The following PGM5 variants were observed in gnomAD, a reference collection of about 807,000 sequenced individuals.
PGM5 encodes phosphoglucomutase 5.
A neutral mutation model predicts 59.2 loss-of-function variants in PGM5; 23 were observed. That is an observed-to-expected ratio of 0.39 (90% CI 0.28 to 0.55). The LOEUF is 0.55. Ranked by LOEUF, PGM5 falls within the 20% of genes least tolerant of loss-of-function variation. The probability of loss-of-function intolerance (pLI) is 0.66; values close to 1 mark genes in which losing one functional copy is unlikely to be tolerated. For missense variants in PGM5, 574 were observed against 748.3 expected, an observed-to-expected ratio of 0.77 and a Z score of 2.72; for synonymous variants, 214 against 286.0, an observed-to-expected ratio of 0.75 and a Z score of 2.54.
chr9:68,471,055 A>G (rs962326254), intron 7 of PGM5, among the ~76,000 whole-genome samples: 5 of 152,212 alleles, frequency 3.3e-5, no homozygotes, highest in African/African-American at 4.8e-5. Flanking sequence ...TGGAATCTCA[A>G]TGGTCCCAGT....
At position 68,438,251 on chromosome 9, in the gene PGM5, T is replaced by G. The variant is rs548618851; in HGVS notation, c.1044-26842T>G. On this transcript the variant is annotated intron_variant, in intron 6 of 10. Transcript: ENST00000396396. Reference sequence around the variant, plus strand: ...TTGCAGTGAGCCGAGATCGCACCACTGCACTCCAGCCTGGGCGACAGAGGG... The same window carrying G: ...TTGCAGTGAGCCGAGATCGCACCACGGCACTCCAGCCTGGGCGACAGAGGG... 4.7e-5 allele frequency among the ~76,000 whole-genome samples: 6 copies of G among 127,972 alleles called. No individual in the cohort carries two copies. The East Asian group carries it at 1.4e-3, about 30-fold the overall frequency. 84.0% of individuals were successfully genotyped at this position (127,972 alleles called of 152,430 possible).
chr9:68,463,378 C>T (rs1224510536), intron 6 of PGM5, among the ~76,000 whole-genome samples: 2 of 152,104 alleles, frequency 1.3e-5, no homozygotes, highest in African/African-American at 4.8e-5. Context: ...GTGTTTTTCT[C>T]TTTCAGTTGC....
Position 68,434,316 on chromosome 9 carries a change from CAAAAAAAAAAAAA to C in PGM5, c.1044-30766_1044-30754del, listed in dbSNP as rs71353054. ...TGGGCAACAGAGTGAGACTCCGTCT[CAAAAAAAAAAAAA>C]AAAAAAAAAAGAAAAAGAAAAAAAG... is the stretch of plus-strand genomic sequence containing the variant. On this transcript the variant is annotated intron_variant, in intron 6 of 10. Transcript: ENST00000396396. Among the ~76,000 whole-genome samples the C allele has an allele frequency of 1.7e-4, 15 of 90,832 alleles. No individual in the cohort carries two copies. In the Admixed American group the frequency reaches 1.8e-3, roughly 11 times the overall value. The allele number at this position is 90,832 out of a possible 152,430, so 59.6% of individuals were successfully genotyped here.
intron 6 of PGM5, chr9:68,406,625 C>T (rs1369873497): frequency 4.8e-5 from 6 of 125,858 alleles, no homozygotes. Flanking sequence ...ACATTCAAAC[C>T]ATAGCACAGG....
rs1361476221 is a variant in PGM5, at chr9:68,376,894, CTT to C, written c.262-1303_262-1302del. ...TTTCTCTTTCTTTCTTTTTTTCTTT[CTT>C]TCTCTCTCTTTCTTTCTTTCTTTTT... On this transcript the variant is annotated intron_variant, in intron 1 of 10. Transcript: ENST00000396396. Among the ~76,000 whole-genome samples the C allele has an allele frequency of 3.8e-4, 42 of 110,452 alleles. 4 individuals carry two copies. The highest frequency in any genetic ancestry group is 5.5e-4 in the South Asian group (2 of 3,660). 72.5% of individuals were successfully genotyped at this position (110,452 alleles called of 152,430 possible).
chr9:68,458,203 A>C (rs1271206073), intron 6 of PGM5, among the ~76,000 whole-genome samples: 4 of 152,080 alleles, frequency 2.6e-5, no homozygotes, highest in African/African-American at 9.7e-5. Flanking sequence ...TCTTTGGTCA[A>C]TTTCCTAAAG....
At chr9:68,488,069 A>G (rs1824325918) in intron 9 of PGM5, among the ~76,000 whole-genome samples, 1 of 152,198 alleles carries the variant, frequency 6.6e-6, no homozygotes, top group Non-Finnish European at 1.5e-5. Context: ...AAATAAAATT[A>G]TTTATGTTTT....
chr9:68,367,550 C>T (rs1834704004), intron 1 of PGM5, among the ~76,000 whole-genome samples: 1 of 152,292 alleles, frequency 6.6e-6, no homozygotes, highest in South Asian at 2.1e-4. Flanking sequence ...TGCATCCCTG[C>T]TGAATGTTTG....
intron 10 of PGM5, among the ~76,000 whole-genome samples, chr9:68,502,146 A>G (rs1206675013): frequency 6.6e-6 from 1 of 152,204 alleles, no homozygotes; most frequent in African/African-American, 2.4e-5. Context: ...TGAGATGGGC[A>G]GGTTCTTGCC....
At chr9:68,492,571 A>G (rs1356011878) in intron 9 of PGM5, among the ~76,000 whole-genome samples, 1 of 152,220 alleles carries the variant, frequency 6.6e-6, no homozygotes, top group African/African-American at 2.4e-5. Flanking sequence ...ACACTGCACA[A>G]TGGTACCCAG....
chr9:68,512,606 C>T (rs1824766973), intron 10 of PGM5, among the ~76,000 whole-genome samples: 1 of 152,080 alleles, frequency 6.6e-6, no homozygotes, highest in African/African-American at 2.4e-5. Flanking sequence ...TCTTGTGTGT[C>T]TCTGGGTCCA....
At chr9:68,436,370 G>A (rs782103125) in intron 6 of PGM5, among the ~76,000 whole-genome samples, 3 of 152,198 alleles carry the variant, frequency 2.0e-5, no homozygotes, top group Admixed American at 2.0e-4. Context: ...TTGGCGGAGG[G>A]AAGCTGGTAG....
intron 7 of PGM5, among the ~76,000 whole-genome samples, chr9:68,468,616 C>A (rs1413786980): frequency 6.6e-6 from 1 of 152,172 alleles, no homozygotes; most frequent in Non-Finnish European, 1.5e-5. Flanking sequence ...ATGCTCAACA[C>A]CACACCCTTC....
At chr9:68,474,997 TTTG>T (rs1384364712) in intron 7 of PGM5, among the ~76,000 whole-genome samples, 1 of 149,576 alleles carries the variant, frequency 6.7e-6, no homozygotes, top group Admixed American at 6.7e-5. Context: ...CATTGACAAC[TTTG>T]TTTACTTTAT....
At chr9:68,425,268 C>A (rs1243870633) in intron 6 of PGM5, among the ~76,000 whole-genome samples, 1 of 152,128 alleles carries the variant, frequency 6.6e-6, no homozygotes, top group African/African-American at 2.4e-5. Context: ...GATGACATGG[C>A]AGAAGCATCC....
At chr9:68,439,430 TATAA>T (rs1271695355) in intron 6 of PGM5, among the ~76,000 whole-genome samples, 8 of 146,258 alleles carry the variant, frequency 5.5e-5, no homozygotes, top group Non-Finnish European at 1.0e-4. Flanking sequence ...TAATATAATA[TATAA>T]ATATATATTA....
At chr9:68,395,722 A>G (rs1822482577) in intron 6 of PGM5, 3 of 152,000 alleles carry the variant, frequency 2.0e-5, no homozygotes. Context: ...TATGAATTTA[A>G]TTTTCCAATT....
intron 6 of PGM5, among the ~76,000 whole-genome samples, chr9:68,463,384 G>T (rs1240373545): frequency 6.6e-6 from 1 of 151,984 alleles, no homozygotes; most frequent in East Asian, 1.9e-4. Context: ...TTCTCTTTCA[G>T]TTGCTAGCTC....
At chr9:68,521,708 G>T (rs1024712370) in intron 10 of PGM5, among the ~76,000 whole-genome samples, 1 of 152,156 alleles carries the variant, frequency 6.6e-6, no homozygotes. Context: ...ATGTTTTGGT[G>T]GCAGAAGGTG....
Sources: gnomAD v4.1 joint callset for allele counts (sites outside exome capture counted in the v4.1 genomes callset) on GRCh38, gnomAD v4.1.1 for gene constraint, MANE v1.5 for transcripts, NCBI Gene and HGNC (gene_info 2026-07-23, HGNC 2026-07-21) for gene names.